The following LPGAT1 variants were observed in gnomAD, a reference collection of about 807,000 sequenced individuals.
LPGAT1 encodes the protein lysophosphatidylglycerol acyltransferase 1.
A neutral mutation model predicts 47.5 loss-of-function variants in LPGAT1; 11 were observed. The observed-to-expected ratio is 0.23, with a 90% CI of 0.15 to 0.38. LPGAT1 has a LOEUF of 0.38. LPGAT1 is among the 10% of genes least tolerant of loss of function. LPGAT1 has a pLI of 1.00. For missense variants in LPGAT1, 293 were observed against 439.0 expected (o/e 0.67, Z 2.97); for synonymous variants, 138 against 144.2 (o/e 0.96, Z 0.31).
intron 1 of LPGAT1, 154 bp from the exon 2 acceptor site, chr1:211,829,477 G>A (rs1319801972): frequency 7.6e-6 from 11 of 1,438,444 alleles, no homozygotes; most frequent in Non-Finnish European, 8.2e-6. Flanking sequence ...GGAAATTCCA[G>A]AGGGGGACAG....
At position 211,789,173 on chromosome 1, in the gene LPGAT1, T is replaced by G. The variant is rs564561417; in HGVS notation, c.358-1446A>C. On this transcript the variant is annotated intron_variant, in intron 3 of 7. Coordinates refer to ENST00000366997, the MANE Select transcript of LPGAT1 (RefSeq NM_014873.3). ...TGATGATTACAGTACTATGTTTAAA[T>G]AAGCTGAGATTTGGACTAAATGAAA... Among the ~76,000 whole-genome samples, 33 of 152,332 alleles carry G rather than the reference T, an allele frequency of 2.2e-4. 2 individuals are homozygous for G. In the South Asian group the frequency reaches 6.4e-3, roughly 30 times the overall value.
At chr1:211,785,091 CTG>C (rs1658823412) in intron 4 of LPGAT1, among the ~76,000 whole-genome samples, 3 of 152,296 alleles carry the variant, frequency 2.0e-5, no homozygotes, top group Non-Finnish European at 2.9e-5. Context: ...GCGTGAGCCA[CTG>C]CGCCCAGCCG....
chr1:211,813,154 T>G (rs1660050128), intron 2 of LPGAT1, among the ~76,000 whole-genome samples: 5 of 152,244 alleles, frequency 3.3e-5, no homozygotes, highest in Admixed American at 2.0e-4. Context: ...TAAGGTCTCA[T>G]AGCTACTAAA....
rs1360992422 is a variant in LPGAT1, at chr1:211,744,733, T to C, written c.*5166A>G. On this transcript the variant is annotated 3_prime_UTR_variant, in exon 8 of 8. Coordinates refer to ENST00000366997, the MANE Select transcript of LPGAT1 (RefSeq NM_014873.3). ...CAAACATGTATAGTTGAATACATAATTTTCTCCCAGAAGAGTGAACTGCTA... is the reference window on the plus strand; with the variant it reads ...CAAACATGTATAGTTGAATACATAACTTTCTCCCAGAAGAGTGAACTGCTA... 6.6e-6 allele frequency: 1 copy of C among 152,232 alleles called. No homozygotes were observed. The highest frequency in any genetic ancestry group is 1.5e-5 in the Non-Finnish European group (1 of 68,038). 9.4% of individuals were successfully genotyped at this position (152,232 alleles called of 1,614,324 possible).
intron 2 of LPGAT1, among the ~76,000 whole-genome samples, chr1:211,799,015 C>T (rs1458045831): frequency 6.6e-6 from 1 of 152,104 alleles, no homozygotes; most frequent in Non-Finnish European, 1.5e-5. Context: ...GTCAAGCTTC[C>T]CAAGGGAAGG....
chr1:211,756,904 CTT>C, intron 6 of LPGAT1, among the ~76,000 whole-genome samples: 1 of 128,232 alleles, frequency 7.8e-6, no homozygotes, highest in African/African-American at 2.9e-5. Flanking sequence ...CATGGAGAGT[CTT>C]TGCTTTTTGG....
chr1:211,789,689 G>T (rs1444291254), intron 3 of LPGAT1, among the ~76,000 whole-genome samples: 1 of 152,054 alleles, frequency 6.6e-6, no homozygotes, highest in Non-Finnish European at 1.5e-5. Context: ...AGACCATCCT[G>T]GTCAACCTCG....
At chr1:211,808,973 G>A (rs1011876236) in intron 2 of LPGAT1, among the ~76,000 whole-genome samples, 7 of 151,752 alleles carry the variant, frequency 4.6e-5, no homozygotes, top group Admixed American at 1.3e-4. Context: ...TGAGGTGGGC[G>A]GATCACGAGG....
chr1:211,774,883 T>C (rs1041371272), intron 6 of LPGAT1, among the ~76,000 whole-genome samples: 2 of 152,202 alleles, frequency 1.3e-5, no homozygotes, highest in African/African-American at 4.8e-5. Context: ...TTCCTAAGTG[T>C]CAGTACAGAA....
intron 2 of LPGAT1, among the ~76,000 whole-genome samples, chr1:211,797,444 T>C (rs1659397900): frequency 6.6e-6 from 1 of 151,810 alleles, no homozygotes; most frequent in South Asian, 2.1e-4. Context: ...CAAGAAATTA[T>C]CCTGAGGTAG....
Position 211,744,099 on chromosome 1 carries a change from AG to A in LPGAT1, c.*5799del, listed in dbSNP as rs1354908514. ...CTTCTAAATCAAAAGTTCGCTGTGT[AG>A]GACTGACATTAATGCTTTTCCTACC... On this transcript the variant is annotated 3_prime_UTR_variant, in exon 8 of 8. Transcript: ENST00000366997. 1 of 152,190 alleles carries A rather than the reference AG, an allele frequency of 6.6e-6. No homozygotes were observed. Among genetic ancestry groups the A allele is most frequent in the African/African-American group, 2.4e-5 (1 of 41,468 alleles). The allele number at this position is 152,190 out of a possible 1,614,324, so 9.4% of individuals were successfully genotyped here. A position where few individuals can be genotyped will look rare whatever the true frequency, so the allele number is the denominator to read the frequency against.
chr1:211,770,537 C>T (rs12023263), intron 6 of LPGAT1, among the ~76,000 whole-genome samples: 17,356 of 152,212 alleles, frequency 0.11, 1,149 homozygotes, highest in South Asian at 0.21. Flanking sequence ...CAACGACGGA[C>T]TGCATATATG....
At position 211,748,483 on chromosome 1, in the gene LPGAT1, G is replaced by C. The variant is rs563925521; in HGVS notation, c.*1416C>G. ...GCAGATCACCTGAGGTCAGGAGTTC[G>C]AGGCCAGCCTGGCCAACATGGTGAA... On this transcript the variant is annotated 3_prime_UTR_variant, in exon 8 of 8. Coordinates refer to ENST00000366997, the MANE Select transcript of LPGAT1 (RefSeq NM_014873.3). The C allele has an allele frequency of 6.6e-6, 1 of 152,200 alleles. No individual in the cohort carries two copies. Among genetic ancestry groups the C allele is most frequent in the African/African-American group, 2.4e-5 (1 of 41,422 alleles). 9.4% of individuals were successfully genotyped at this position (152,200 alleles called of 1,614,324 possible).
rs370302067 is a variant in LPGAT1, at chr1:211,783,284, T to C, written c.672A>G (p.Ala224=). The C allele has an allele frequency of 8.7e-6, 14 of 1,614,082 alleles. No individual in the cohort carries two copies. The highest frequency in any genetic ancestry group is 1.7e-5 in the Admixed American group (1 of 60,016). Residue 224 remains alanine (A), a synonymous_variant, in exon 5 of 8, where the codon GCA becomes GCG. Coordinates refer to ENST00000366997, the MANE Select transcript of LPGAT1 (RefSeq NM_014873.3). Reference sequence around the variant, plus strand: ...TTCCATTTTTCTGTTGTGCTACAAGTGCATTCAAAATAATTTTTGTTGCCC... The same window carrying C: ...TTCCATTTTTCTGTTGTGCTACAAGCGCATTCAAAATAATTTTTGTTGCCC... ...RSGATKIILN[A]LVAQQKNGSP...
intron 4 of LPGAT1, among the ~76,000 whole-genome samples, chr1:211,785,092 T>A (rs371669591): frequency 6.6e-6 from 1 of 152,106 alleles, no homozygotes; most frequent in Non-Finnish European, 1.5e-5. Flanking sequence ...CGTGAGCCAC[T>A]GCGCCCAGCC....
At chr1:211,823,120 A>G (rs1014265460) in intron 2 of LPGAT1, among the ~76,000 whole-genome samples, 2 of 152,198 alleles carry the variant, frequency 1.3e-5, no homozygotes, top group African/African-American at 4.8e-5. Context: ...TAAAGGTCAA[A>G]ATTGGCTCTT....
At chr1:211,794,367 C>T (rs1050995341) in intron 2 of LPGAT1, among the ~76,000 whole-genome samples, 19 of 152,130 alleles carry the variant, frequency 1.2e-4, no homozygotes, top group African/African-American at 3.9e-4. Context: ...GGTGCAATCA[C>T]AATGGCTCAC....
At chr1:211,787,119 T>C (rs1658912441) in intron 4 of LPGAT1, among the ~76,000 whole-genome samples, 1 of 152,220 alleles carries the variant, frequency 6.6e-6, no homozygotes, top group Admixed American at 6.5e-5. Context: ...AATATTTGCA[T>C]TTTAAGTATT....
intron 2 of LPGAT1, among the ~76,000 whole-genome samples, chr1:211,797,443 A>G (rs868530681): frequency 6.6e-6 from 1 of 151,560 alleles, no homozygotes; most frequent in Middle Eastern, 3.4e-3. Context: ...CCAAGAAATT[A>G]TCCTGAGGTA....
Sources: allele counts gnomAD v4.1 joint callset (sites outside exome capture counted in the v4.1 genomes callset), GRCh38; gene constraint gnomAD v4.1.1; transcripts MANE v1.5; gene names NCBI Gene and HGNC (gene_info 2026-07-23, HGNC 2026-07-21).